Variants in NPL observed in about 807,000 individuals in gnomAD.
NPL encodes N-acetylneuraminate lyase.
NPL carries 32 observed loss-of-function variants against 41.1 expected under a neutral mutation model. The ratio of observed to expected loss-of-function variants is 0.78; its 90% CI spans 0.59 to 1.05. NPL has a LOEUF of 1.05. Ranked by LOEUF, NPL falls within the 50% of genes least tolerant of loss-of-function variation. The probability of loss-of-function intolerance (pLI) is 0.00; values close to 1 mark genes in which losing one functional copy is unlikely to be tolerated. For missense variants in NPL, 321 were observed against 378.4 expected (o/e 0.85, Z 1.26); for synonymous variants, 128 against 134.9 (o/e 0.95, Z 0.35).
chr1:182,816,736 G>A lies in NPL; in HGVS notation c.387G>A (p.Lys129=). Residue 129 remains lysine (K), a synonymous_variant, in exon 8 of 13, where the codon AAG becomes AAA. Transcript: ENST00000367553. ...WTKDILINFL[K]EVAAAAPALP... is the part of the protein sequence containing the mutation. ...CAGATATCCTGATTAATTTCCTAAA[G>A]GAAGTGGCTGCTGCCGCCCCTGCCC... The A allele has an allele frequency of 6.2e-7, 1 of 1,612,790 alleles. No individual in the cohort carries two copies. Among genetic ancestry groups the A allele is most frequent in the South Asian group, 1.1e-5 (1 of 91,074 alleles).
intron 10 of NPL, 40 bp from the exon 11 acceptor site, chr1:182,822,075 T>G: frequency 3.2e-6 from 4 of 1,264,102 alleles, no homozygotes; most frequent in Non-Finnish European, 4.6e-6. Flanking sequence ...CCTTTCCTGT[T>G]GAGTTATTGA....
At chr1:182,800,385 G>A (rs777598910) in intron 3 of NPL, among the ~76,000 whole-genome samples, 4 of 145,126 alleles carry the variant, frequency 2.8e-5, no homozygotes, top group Non-Finnish European at 6.0e-5. Flanking sequence ...GTAGTGAGCC[G>A]TGATTGTGCC....
chr1:182,797,426 G>A (rs1347805104), intron 3 of NPL, among the ~76,000 whole-genome samples: 1 of 152,138 alleles, frequency 6.6e-6, no homozygotes, highest in Non-Finnish European at 1.5e-5. Flanking sequence ...TGATTCTTTA[G>A]CGCATTAAAG....
In NPL at chr1:182,829,799, T is replaced by C; in HGVS notation, c.*891T>C. 2 of 673,302 alleles carry C rather than the reference T, an allele frequency of 3.0e-6. No individual in the cohort carries two copies. The highest frequency in any genetic ancestry group is 3.9e-5 in the South Asian group (2 of 51,694). 41.7% of individuals were successfully genotyped at this position (673,302 alleles called of 1,614,324 possible). On this transcript the variant is annotated 3_prime_UTR_variant, in exon 13 of 13. Coordinates refer to ENST00000367553, the MANE Select transcript of NPL (RefSeq NM_030769.3). ...ACACTTGCAACTAGTGACTTTTGTTTAGTGATAGAAGATTTGGGGAGGACC... is the reference window on the plus strand; with the variant it reads ...ACACTTGCAACTAGTGACTTTTGTTCAGTGATAGAAGATTTGGGGAGGACC...
Position 182,818,595 on chromosome 1 carries a change from G to T in NPL, c.512G>T (p.Gly171Val). 1 of 1,614,172 alleles carries T rather than the reference G, an allele frequency of 6.2e-7. No individual in the cohort carries two copies. The highest frequency in any genetic ancestry group is 1.1e-5 in the South Asian group (1 of 91,080). ...CTGGATAAGATCCCCACCTTCCAAG[G>T]GCTGAAATTCAGTGATACAGATCTC... ...GILDKIPTFQ[G>V]LKFSDTDLLD... The change falls in exon 9 of 13, where the codon GGG becomes GTG. Residue 171 changes from glycine (G) to valine (V), a missense_variant. Physicochemically the swap from Gly to Val is moderately radical, Grantham distance 109. Coordinates refer to ENST00000367553, the MANE Select transcript of NPL (RefSeq NM_030769.3).
chr1:182,795,453 ACTTT>A (rs1666634660), intron 3 of NPL, among the ~76,000 whole-genome samples: 1 of 152,176 alleles, frequency 6.6e-6, no homozygotes, highest in South Asian at 2.1e-4. Context: ...TTTACAAGGG[ACTTT>A]CTTTTTGGTC....
intron 4 of NPL, 131 bp downstream of exon 4, chr1:182,803,902 C>T (rs1459818057): frequency 5.3e-6 from 4 of 752,932 alleles, no homozygotes; most frequent in South Asian, 1.5e-5. Flanking sequence ...GCTAAGCTAA[C>T]TAAAATTTGT....
chr1:182,804,851 A>G (rs1432246900), intron 4 of NPL, among the ~76,000 whole-genome samples: 1 of 152,206 alleles, frequency 6.6e-6, no homozygotes, highest in East Asian at 1.9e-4. Flanking sequence ...GTCCCTCTAC[A>G]GCGCTAAGCC....
intron 4 of NPL, among the ~76,000 whole-genome samples, chr1:182,804,883 T>C (rs757439698): frequency 6.6e-6 from 1 of 152,168 alleles, no homozygotes; most frequent in Non-Finnish European, 1.5e-5. Context: ...GGCAGATTCT[T>C]ACTCAACAAA....
chr1:182,798,635 G>A (rs111421112), intron 3 of NPL, among the ~76,000 whole-genome samples: 2,189 of 152,290 alleles, frequency 0.014, 26 homozygotes, highest in Middle Eastern at 0.061. Context: ...GAAAAAAGTT[G>A]TGTTTTTTCC....
At chr1:182,811,789 C>G (rs932438930) in intron 5 of NPL, among the ~76,000 whole-genome samples, 2 of 152,096 alleles carry the variant, frequency 1.3e-5, no homozygotes, top group Non-Finnish European at 2.9e-5. Context: ...CCCATTGGCT[C>G]TAAATGAAGT....
chr1:182,814,170 C>G (rs896179258), intron 6 of NPL, among the ~76,000 whole-genome samples: 1 of 152,220 alleles, frequency 6.6e-6, no homozygotes, highest in African/African-American at 2.4e-5. Context: ...GGGACTTACA[C>G]TCTAGTTGGA....
intron 3 of NPL, among the ~76,000 whole-genome samples, chr1:182,802,443 C>G (rs1191579493): frequency 6.6e-6 from 1 of 152,026 alleles, no homozygotes; most frequent in East Asian, 1.9e-4. Context: ...CATTTTGATG[C>G]CTTTGTTTCC....
chr1:182,795,170 A>G (rs955682752), intron 3 of NPL, among the ~76,000 whole-genome samples: 2 of 152,206 alleles, frequency 1.3e-5, no homozygotes, highest in Non-Finnish European at 2.9e-5. Flanking sequence ...CCCTGACAAA[A>G]GAGAGTTCAT....
rs1667695475 is a variant in NPL, at chr1:182,828,786, C to T, written c.841C>T (p.Pro281Ser). ...TLVSGIPMGPPRLPLQKASRE... is the reference protein window; with the variant it reads ...TLVSGIPMGPSRLPLQKASRE... ...GGTCTCTGGGATTCCAATGGGCCCA[C>T]CCCGGCTTCCACTGCAGAAAGCCTC... The change falls in exon 13 of 13, where the codon CCC (proline) becomes TCC (serine). Residue 281 changes from proline to serine, a missense_variant. Physicochemically the swap from Pro to Ser is moderately conservative, Grantham distance 74. Transcript: ENST00000367553. The surrounding 1 kb of genome is among the most constrained non-coding windows in gnomAD (Gnocchi z 4.0). 2 of 1,614,148 alleles carry T rather than the reference C, an allele frequency of 1.2e-6. No individual in the cohort carries two copies.
chr1:182,822,143 A>C lies in NPL; in HGVS notation c.682A>C (p.Asn228His), dbSNP rs1277001892. Residue 228 changes from asparagine (N) to histidine (H), a missense_variant, in exon 11 of 13, where the codon AAC (asparagine) becomes CAC (histidine). Asn to His is a moderately conservative substitution (Grantham distance 68). Transcript: ENST00000367553. ...CTATAACTACCTGGGAAAAAAGACA[A>C]ACCAGATGTTGGAGGCTTTTGAACA... is the stretch of plus-strand genomic sequence containing the variant. Reference protein sequence around the residue: ...STYNYLGKKTNQMLEAFEQKD... With the variant: ...STYNYLGKKTHQMLEAFEQKD... 5.0e-6 allele frequency: 8 copies of C among 1,613,754 alleles called. No individual in the cohort carries two copies. The Admixed American group carries it at 1.0e-4, about 20-fold the overall frequency.
intron 3 of NPL, among the ~76,000 whole-genome samples, chr1:182,798,538 T>G (rs911991363): frequency 8.5e-5 from 13 of 152,148 alleles, no homozygotes; most frequent in Non-Finnish European, 1.6e-4. Context: ...AGACTTGCTT[T>G]CCTTATTTGT....
chr1:182,821,910 C>T (rs1032584059), intron 10 of NPL, among the ~76,000 whole-genome samples: 9 of 152,186 alleles, frequency 5.9e-5, no homozygotes, highest in African/African-American at 2.2e-4. Flanking sequence ...CCCCTTTTGC[C>T]TGTCTTCCTT....
At chr1:182,798,662 A>G (rs1206549999) in intron 3 of NPL, among the ~76,000 whole-genome samples, 1 of 152,242 alleles carries the variant, frequency 6.6e-6, no homozygotes, top group Non-Finnish European at 1.5e-5. Flanking sequence ...TGTTCTTGGC[A>G]TCACCCTGGG....
Sources: allele counts gnomAD v4.1 joint callset (sites outside exome capture counted in the v4.1 genomes callset), GRCh38; gene constraint gnomAD v4.1.1; non-coding constraint Gnocchi (gnomAD v3.1); transcripts MANE v1.5; gene names NCBI Gene and HGNC (gene_info 2026-07-23, HGNC 2026-07-21).